Variants in XRN2 observed in about 807,000 individuals in gnomAD.
XRN2 encodes the protein DHM1-like protein.
XRN2 carries 44 observed loss-of-function variants against 138.5 expected under a neutral mutation model. The observed-to-expected ratio is 0.32, with a 90% confidence interval of 0.25 to 0.41. XRN2 has a LOEUF of 0.41. XRN2 is among the 10% of genes least tolerant of loss of function. The probability of loss-of-function intolerance (pLI) is 1.00; values close to 1 mark genes in which losing one functional copy is unlikely to be tolerated. For synonymous variants in XRN2, 354 were observed against 369.4 expected, an observed-to-expected ratio of 0.96 and a Z score of 0.48; for missense variants, 937 against 1,169.3, an observed-to-expected ratio of 0.80 and a Z score of 2.90.
At chr20:21,342,206 T>C (rs2038381060) in intron 15 of XRN2, among the ~76,000 whole-genome samples, 1 of 152,222 alleles carries the variant, frequency 6.6e-6, no homozygotes, top group African/African-American at 2.4e-5. Flanking sequence ...TTCTCGTGTT[T>C]TATTTTTCTG....
chr20:21,325,446 T>G (rs574649085), intron 1 of XRN2, among the ~76,000 whole-genome samples: 1 of 152,224 alleles, frequency 6.6e-6, no homozygotes, highest in East Asian at 1.9e-4. Flanking sequence ...ATAAGCAAAA[T>G]TATGAGGAAA....
At chr20:21,330,830 A>C in intron 6 of XRN2, 125 bp downstream of exon 6, 1 of 931,374 alleles carries the variant, frequency 1.1e-6, no homozygotes, top group Non-Finnish European at 1.6e-6. Flanking sequence ...GTTGGAAGAA[A>C]GAAAAGCTTC....
chr20:21,350,595 A>G (rs1233174956), intron 20 of XRN2, among the ~76,000 whole-genome samples: 1 of 151,442 alleles, frequency 6.6e-6, no homozygotes, highest in African/African-American at 2.4e-5. Context: ...GTTTCACACT[A>G]AAGTCATCCT....
chr20:21,388,984 G>C (rs1028650208), intron 29 of XRN2, among the ~76,000 whole-genome samples: 2 of 152,186 alleles, frequency 1.3e-5, no homozygotes, highest in East Asian at 3.8e-4. Context: ...GAGAACCACT[G>C]TCTGTACATG....
chr20:21,324,961 A>G (rs2038103687), intron 1 of XRN2, among the ~76,000 whole-genome samples: 1 of 152,212 alleles, frequency 6.6e-6, no homozygotes, highest in Non-Finnish European at 1.5e-5. Flanking sequence ...AGTAATTAGC[A>G]GTTGCTACCC....
intron 27 of XRN2, among the ~76,000 whole-genome samples, chr20:21,381,688 G>A (rs1219306401): frequency 2.9e-5 from 4 of 136,640 alleles, no homozygotes; most frequent in South Asian, 5.1e-4. Flanking sequence ...TGTGTGTAAT[G>A]TATGTATCTT....
In XRN2 at chr20:21,351,264, T is replaced by C. The variant is rs191170268; in HGVS notation, c.1936+1803T>C. Among the ~76,000 whole-genome samples, 460 of 152,250 alleles carry C rather than the reference T, an allele frequency of 3.0e-3. 1 individual carries two copies. Among genetic ancestry groups the C allele is most frequent in the African/African-American group, 0.011 (444 of 41,542 alleles). Reference sequence around the variant, plus strand: ...TTCTTCACATCCTCTCCAACATTTGTTATTTTGTTTTTATTAGTAATAACC... The same window carrying C: ...TTCTTCACATCCTCTCCAACATTTGCTATTTTGTTTTTATTAGTAATAACC... On this transcript the variant is annotated intron_variant, in intron 20 of 29. Transcript: ENST00000377191.
At chr20:21,385,823 T>C (rs2038931631) in intron 28 of XRN2, among the ~76,000 whole-genome samples, 1 of 152,194 alleles carries the variant, frequency 6.6e-6, no homozygotes, top group African/African-American at 2.4e-5. Flanking sequence ...TATGCTGATA[T>C]GGTTATAACT....
intron 1 of XRN2, among the ~76,000 whole-genome samples, chr20:21,321,669 T>C (rs1246846421): frequency 6.6e-6 from 1 of 152,218 alleles, no homozygotes; most frequent in Non-Finnish European, 1.5e-5. Context: ...TTTTAAACTT[T>C]ACTGTGCACT....
intron 1 of XRN2, among the ~76,000 whole-genome samples, chr20:21,324,966 C>G (rs2038103821): frequency 6.6e-6 from 1 of 152,192 alleles, no homozygotes; most frequent in Non-Finnish European, 1.5e-5. Context: ...TTAGCAGTTG[C>G]TACCCATCTC....
intron 19 of XRN2, among the ~76,000 whole-genome samples, chr20:21,348,771 G>A (rs929543341): frequency 6.6e-6 from 1 of 152,124 alleles, no homozygotes; most frequent in Non-Finnish European, 1.5e-5. Flanking sequence ...AGCCTCCTGA[G>A]TAGCTGGGAC....
At chr20:21,384,223 A>G (rs1022731121) in intron 28 of XRN2, among the ~76,000 whole-genome samples, 1 of 152,114 alleles carries the variant, frequency 6.6e-6, no homozygotes, top group African/African-American at 2.4e-5. Context: ...GTTTTGCCAC[A>G]TTGTTTGGGT....
intron 27 of XRN2, among the ~76,000 whole-genome samples, chr20:21,374,197 T>A (rs915205277): frequency 1.3e-5 from 2 of 152,232 alleles, no homozygotes; most frequent in African/African-American, 4.8e-5. Flanking sequence ...CTTACTAGAT[T>A]CATTTCTTCT....
intron 20 of XRN2, among the ~76,000 whole-genome samples, chr20:21,353,973 A>G (rs1215794313): frequency 6.6e-6 from 1 of 152,186 alleles, no homozygotes; most frequent in African/African-American, 2.4e-5. Context: ...ATTTAACACT[A>G]TTTAGCATTT....
chr20:21,374,448 C>T (rs992791137), intron 27 of XRN2, among the ~76,000 whole-genome samples: 1 of 152,064 alleles, frequency 6.6e-6, no homozygotes, highest in Non-Finnish European at 1.5e-5. Flanking sequence ...AGGTTTGCTG[C>T]AGTTTTTTTC....
At chr20:21,381,749 T>C in intron 27 of XRN2, among the ~76,000 whole-genome samples, 1 of 152,236 alleles carries the variant, frequency 6.6e-6, no homozygotes, top group African/African-American at 2.4e-5. Flanking sequence ...CACAGGATTA[T>C]GTGAGTTTAG....
chr20:21,368,642 A>G, intron 27 of XRN2, 52 bp downstream of exon 27: 1 of 1,600,740 alleles, frequency 6.2e-7, no homozygotes, highest in African/African-American at 1.3e-5. Flanking sequence ...TATCACAGCA[A>G]ATGTTGGTTT....
chr20:21,355,155 G>A (rs1333722490), intron 21 of XRN2, among the ~76,000 whole-genome samples: 1 of 152,072 alleles, frequency 6.6e-6, no homozygotes, highest in Non-Finnish European at 1.5e-5. Context: ...TATATGACAT[G>A]CACACACGAA....
chr20:21,356,624 A>G lies in XRN2; in HGVS notation c.2157A>G (p.Gln719=). 1 of 1,613,768 alleles carries G rather than the reference A, an allele frequency of 6.2e-7. No individual in the cohort carries two copies. The highest frequency in any genetic ancestry group is 8.5e-7 in the Non-Finnish European group (1 of 1,179,748). The part of the protein sequence containing the change: ...EVPPELCHGI[Q]GKFSLDEEAI... ...CCCCTGAACTATGTCATGGGATTCA[A>G]GGAAAGTTTTCTTTGGATGAAGAAG... Residue 719 remains glutamine (Q), a synonymous_variant, in exon 23 of 30, where the codon CAA becomes CAG. Transcript: ENST00000377191.
Sources: allele counts gnomAD v4.1 joint callset (sites outside exome capture counted in the v4.1 genomes callset), GRCh38; gene constraint gnomAD v4.1.1; transcripts MANE v1.5; gene names NCBI Gene and HGNC (gene_info 2026-07-23, HGNC 2026-07-21).